PRKN: variants seen among roughly 807,000 people sequenced by gnomAD.
The protein encoded by PRKN is E3 ubiquitin-protein ligase parkin.
A neutral mutation model predicts 59.5 loss-of-function variants in PRKN; 56 were observed. The ratio of observed to expected loss-of-function variants is 0.94; its 90% CI spans 0.76 to 1.18. The LOEUF is 1.18. PRKN is among the 50% of genes most tolerant of loss of function. PRKN has a pLI of 0.00. For synonymous variants in PRKN, 250 were observed against 222.1 expected, an observed-to-expected ratio of 1.13 and a Z score of -1.12; for missense variants, 657 against 596.4, an observed-to-expected ratio of 1.10 and a Z score of -1.06.
At chr6:161,960,240 C>G (rs139845682) in intron 6 of PRKN, among the ~76,000 whole-genome samples, 23 of 152,214 alleles carry the variant, frequency 1.5e-4, no homozygotes, top group Non-Finnish European at 2.4e-4. Flanking sequence ...CTCTTATTAT[C>G]TAGAAGGACA....
intron 1 of PRKN, among the ~76,000 whole-genome samples, chr6:162,676,790 C>T (rs535709590): frequency 3.4e-4 from 51 of 152,124 alleles, no homozygotes; most frequent in Non-Finnish European, 5.6e-4. Flanking sequence ...TGGCTGGACG[C>T]GGTGGCTCAC....
chr6:162,002,303 G>T (rs1228327218), intron 5 of PRKN, among the ~76,000 whole-genome samples: 2 of 152,014 alleles, frequency 1.3e-5, no homozygotes, highest in African/African-American at 2.4e-5. Context: ...TTTCTCTTTG[G>T]AAGGTTATTA....
chr6:161,911,873 C>T (rs1778373726), intron 6 of PRKN, among the ~76,000 whole-genome samples: 1 of 151,852 alleles, frequency 6.6e-6, no homozygotes, highest in Admixed American at 6.6e-5. Flanking sequence ...TCAAAGAAAG[C>T]ATCAAAAGTA....
intron 3 of PRKN, among the ~76,000 whole-genome samples, chr6:162,215,088 C>A (rs1431187022): frequency 6.6e-6 from 1 of 152,114 alleles, no homozygotes; most frequent in Non-Finnish European, 1.5e-5. Context: ...TTAATTCCTC[C>A]ATTTAATGTA....
At chr6:162,673,060 T>C (rs1390506352) in intron 1 of PRKN, among the ~76,000 whole-genome samples, 8 of 152,214 alleles carry the variant, frequency 5.3e-5, no homozygotes, top group Non-Finnish European at 1.2e-4. Context: ...ATGTAAGTTA[T>C]AAACATATTC....
At position 161,584,098 on chromosome 6, in the gene PRKN, G is replaced by C. The variant is rs1420469106; in HGVS notation, c.872-14682C>G. On this transcript the variant is annotated intron_variant, in intron 7 of 11. Coordinates refer to ENST00000366898, the MANE Select transcript of PRKN (RefSeq NM_004562.3). The surrounding 1 kb of genome is among the most constrained non-coding windows in gnomAD (Gnocchi z 4.8). ...AGACACAACCCTCCCCTCCTTGGTT[G>C]TATGTGTATTCATCTCTTCTTCCTT... is the stretch of plus-strand genomic sequence containing the variant. Among the ~76,000 whole-genome samples, 1 of 152,192 alleles carries C rather than the reference G, an allele frequency of 6.6e-6. No individual in the cohort carries two copies. Among genetic ancestry groups the C allele is most frequent in the African/African-American group, 2.4e-5 (1 of 41,444 alleles).
intron 2 of PRKN, among the ~76,000 whole-genome samples, chr6:162,310,987 A>T (rs1270740079): frequency 6.6e-6 from 1 of 152,120 alleles, no homozygotes; most frequent in Non-Finnish European, 1.5e-5. Context: ...ATCATTCAGT[A>T]AGGAAAGTTT....
chr6:161,898,015 C>T (rs912800298), intron 6 of PRKN, among the ~76,000 whole-genome samples: 1 of 145,956 alleles, frequency 6.9e-6, no homozygotes, highest in South Asian at 2.2e-4. Context: ...AGGTTTTTCT[C>T]ATCTGCTACA....
At chr6:161,956,538 G>GA (rs1314798914) in intron 6 of PRKN, among the ~76,000 whole-genome samples, 1 of 151,686 alleles carries the variant, frequency 6.6e-6, no homozygotes, top group African/African-American at 2.4e-5. Context: ...TGTATTTATG[G>GA]AAAAATAAAC....
intron 7 of PRKN, among the ~76,000 whole-genome samples, chr6:161,749,346 C>T (rs994073138): frequency 4.6e-5 from 7 of 152,134 alleles, no homozygotes; most frequent in Admixed American, 1.3e-4. Context: ...TACGCACATA[C>T]ACATGTATGT....
intron 7 of PRKN, among the ~76,000 whole-genome samples, chr6:161,709,287 A>G (rs1786641999): frequency 6.6e-6 from 1 of 152,220 alleles, no homozygotes; most frequent in South Asian, 2.1e-4. Context: ...TACAATTTTA[A>G]TTACTTTAAA....
chr6:162,145,835 G>T (rs551833444), intron 4 of PRKN, among the ~76,000 whole-genome samples: 4 of 152,120 alleles, frequency 2.6e-5, no homozygotes, highest in South Asian at 2.1e-4. Context: ...CTGATGGGCG[G>T]CGAAAAGCAA....
At chr6:162,283,225 T>C (rs1209462621) in intron 2 of PRKN, among the ~76,000 whole-genome samples, 10 of 152,184 alleles carry the variant, frequency 6.6e-5, no homozygotes, top group Admixed American at 4.6e-4. Context: ...CACCTCTCTT[T>C]TGAGAAAAGA....
At chr6:162,727,527 CG>C in intron 1 of PRKN, 134 bp downstream of exon 1, 1 of 995,086 alleles carries the variant, frequency 1.0e-6, no homozygotes, top group African/African-American at 1.7e-5. Context: ...CGGCGCGGGC[CG>C]GGGACGGCAC....
chr6:162,062,739 G>T (rs1171313749), intron 4 of PRKN, among the ~76,000 whole-genome samples: 2 of 152,154 alleles, frequency 1.3e-5, no homozygotes, highest in Non-Finnish European at 1.5e-5. Flanking sequence ...ACGCTTTCCA[G>T]TCTGGGGTAT....
chr6:161,543,836 G>C (rs137894809), intron 9 of PRKN, among the ~76,000 whole-genome samples: 25 of 152,206 alleles, frequency 1.6e-4, no homozygotes, highest in Non-Finnish European at 3.5e-4. Context: ...TGCATTCCCA[G>C]GTCAGTGAGT....
At chr6:162,066,466 G>T (rs1778341761) in intron 4 of PRKN, among the ~76,000 whole-genome samples, 1 of 152,138 alleles carries the variant, frequency 6.6e-6, no homozygotes, top group African/African-American at 2.4e-5. Context: ...GTTGGAAACT[G>T]AGTTCCTAAT....
Position 162,054,116 on chromosome 6 carries a change from G to A in PRKN, c.593C>T (p.Ser198Phe), listed in dbSNP as rs1777760466. The A allele has an allele frequency of 1.2e-6, 2 of 1,612,770 alleles. No individual in the cohort carries two copies. The highest frequency in any genetic ancestry group is 2.2e-5 in the South Asian group (2 of 91,062). ...TGCACTAGTCCCAGGGCAGTGTGGG[G>A]ATTGGCATTCACCACTCATCCGGTT... is the stretch of plus-strand genomic sequence containing the variant. The part of the protein sequence containing the change: ...IPNRMSGECQ[S>F]PHCPGTSAEF... The change falls in exon 5 of 12, where the codon TCC (serine) becomes TTC (phenylalanine). Residue 198 changes from serine (S) to phenylalanine (F), a missense_variant. Transcript: ENST00000366898.
At chr6:161,450,195 G>T (rs1789666966) in intron 9 of PRKN, among the ~76,000 whole-genome samples, 1 of 152,206 alleles carries the variant, frequency 6.6e-6, no homozygotes, top group Non-Finnish European at 1.5e-5. Context: ...AAGGTGTATG[G>T]CCAAAGGAGG....
Sources: allele counts gnomAD v4.1 joint callset (sites outside exome capture counted in the v4.1 genomes callset), GRCh38; gene constraint gnomAD v4.1.1; non-coding constraint Gnocchi (gnomAD v3.1); transcripts MANE v1.5; gene names NCBI Gene and HGNC (gene_info 2026-07-23, HGNC 2026-07-21).